ABHD8: variants seen among roughly 807,000 people sequenced by gnomAD.
The protein encoded by ABHD8 is abhydrolase domain containing 8, also known as protein ABHD8.
In ABHD8, 10 loss-of-function variants were observed where a neutral mutation model predicts 29.3. The observed-to-expected ratio is 0.34, with a 90% CI of 0.21 to 0.58. The LOEUF (loss-of-function observed/expected upper bound fraction) is 0.58. Among genes scored for constraint, ABHD8 ranks in the 20% least tolerant of loss-of-function variants. ABHD8 has a pLI of 0.85. For missense variants in ABHD8, 556 were observed against 615.3 expected (o/e 0.90, Z 1.02); for synonymous variants, 282 against 274.6 (o/e 1.03, Z -0.27).
Position 17,294,403 on chromosome 19 carries a change from T to C in ABHD8, c.1034A>G (p.Gln345Arg). ...GACCTCGTCGCCCTCGGGCCAGTAC[T>C]GGCCGCTCATCATGGCCCGGAGTAC... ...SFVLRAMMSG[Q>R]YWPEGDEVYH... is the part of the protein sequence containing the mutation. Residue 345 changes from glutamine to arginine, a missense_variant, in exon 4 of 5, where the codon CAG becomes CGG. Around this residue, in one of 2 missense-constraint regions of ABHD8, gnomAD observed 270 missense variants for 353.9 expected, o/e 0.76. Coordinates refer to ENST00000247706, the MANE Select transcript of ABHD8 (RefSeq NM_024527.5). The C allele has an allele frequency of 6.2e-7, 1 of 1,614,074 alleles. No individual in the cohort carries two copies. The highest frequency in any genetic ancestry group is 8.5e-7 in the Non-Finnish European group (1 of 1,180,006).
intron 1 of ABHD8, among the ~76,000 whole-genome samples, 170 bp from the exon 2 acceptor site, chr19:17,301,794 G>A (rs2074120956): frequency 6.6e-6 from 1 of 151,838 alleles, no homozygotes; most frequent in Non-Finnish European, 1.5e-5. Flanking sequence ...GTGTGTGTGT[G>A]TGTGTGTGTG....
rs761261189 is a variant in ABHD8 at position 17,294,842 on chromosome 19, G to C, written c.765C>G (p.Val255=). 17 of 1,613,574 alleles carry C rather than the reference G, an allele frequency of 1.1e-5. No homozygotes were observed. The South Asian group carries it at 1.9e-4, about 18-fold the overall frequency. ...CATGTGCCAGGAATGTGCAGAAAGA[G>C]ACACTGCCCGGAACGGGTGGGGTGA... ...RNVLIGHSYG[V]SFCTFLAHEY... Residue 255 remains valine, a synonymous_variant, in exon 3 of 5, where the codon GTC becomes GTG. Transcript: ENST00000247706.
At position 17,292,345 on chromosome 19, in the gene ABHD8, G is replaced by C; in HGVS notation, c.*316C>G. ...CGGCTGACACGGAAGACAGCGGGGT[G>C]GGGGGCCTGCCTTGGCCGTGGCGTT... On this transcript the variant is annotated 3_prime_UTR_variant, in exon 5 of 5. Coordinates refer to ENST00000247706, the MANE Select transcript of ABHD8 (RefSeq NM_024527.5). 2 of 421,106 alleles carry C rather than the reference G, an allele frequency of 4.7e-6. No homozygotes were observed. The highest frequency in any genetic ancestry group is 8.4e-6 in the Non-Finnish European group (2 of 238,334). 26.1% of individuals were successfully genotyped at this position (421,106 alleles called of 1,614,324 possible). A position where few individuals can be genotyped will look rare whatever the true frequency, so the allele number is the denominator to read the frequency against.
chr19:17,301,561 T>C lies in ABHD8; in HGVS notation c.56A>G (p.Asn19Ser), dbSNP rs367827324. Residue 19 changes from asparagine (N) to serine (S), a missense_variant, in exon 2 of 5, where the codon AAC (asparagine) becomes AGC (serine). This residue lies in a region of ABHD8 where 286 missense variants were observed against 261.4 expected (regional missense o/e 1.09). Coordinates refer to ENST00000247706, the MANE Select transcript of ABHD8 (RefSeq NM_024527.5). ...IFCCLLGTPP[N>S]AVGPLESVES... The stretch of plus-strand genomic sequence containing the variant: ...GACGCTCTCCAGTGGCCCCACGGCG[T>C]TGGGGGGCGTGCCCAGCAGGCAACA... 7 of 1,599,810 alleles carry C rather than the reference T, an allele frequency of 4.4e-6. No homozygotes were observed. The Admixed American group carries it at 1.0e-4, about 23-fold the overall frequency.
In ABHD8 at chr19:17,301,886, T is replaced by C. The variant is rs575370419; in HGVS notation, c.-8-262A>G. ...TCGGCTTACTGCAACCTCCCCCTCC[T>C]GGGTTCAAGCGATTCTCTTGCCTCA... On this transcript the variant is annotated intron_variant, in intron 1 of 4. Transcript: ENST00000247706. Among the ~76,000 whole-genome samples, 37 of 152,084 alleles carry C rather than the reference T, an allele frequency of 2.4e-4. 1 individual carries two copies. The South Asian group carries it at 6.8e-3, about 28-fold the overall frequency.
chr19:17,295,884 AT>A (rs528756326), intron 2 of ABHD8, among the ~76,000 whole-genome samples: 2 of 151,956 alleles, frequency 1.3e-5, no homozygotes, highest in East Asian at 1.9e-4. Flanking sequence ...ATTTTTAAAA[AT>A]TTTTTTATAA....
At chr19:17,301,660 C>T in intron 1 of ABHD8, 36 bp from the exon 2 acceptor site, 2 of 1,506,500 alleles carry the variant, frequency 1.3e-6, no homozygotes, top group Non-Finnish European at 1.8e-6. Flanking sequence ...CAGGTGCTGT[C>T]TCAATGAGAA....
Position 17,299,244 on chromosome 19 carries a change from C to CA in ABHD8, c.761+1611dup, listed in dbSNP as rs1555720809. On this transcript the variant is annotated intron_variant, in intron 2 of 4. Coordinates refer to ENST00000247706, the MANE Select transcript of ABHD8 (RefSeq NM_024527.5). ...GGGCAACATAATGAGACCCCCCCCC[C>CA]ATTCTCTATATAATTTTTTTTTGAA... Among the ~76,000 whole-genome samples, 7 of 148,166 alleles carry CA rather than the reference C, an allele frequency of 4.7e-5. 1 individual carries two copies. Among genetic ancestry groups the CA allele is most frequent in the South Asian group, 4.4e-4 (2 of 4,512 alleles).
At chr19:17,295,886 T>A (rs188123627) in intron 2 of ABHD8, among the ~76,000 whole-genome samples, 94 of 152,220 alleles carry the variant, frequency 6.2e-4, no homozygotes, top group African/African-American at 2.1e-3. Context: ...TTTTAAAAAT[T>A]TTTTTATAAA....
At chr19:17,295,763 G>A (rs1452667728) in intron 2 of ABHD8, among the ~76,000 whole-genome samples, 1 of 152,024 alleles carries the variant, frequency 6.6e-6, no homozygotes, top group Non-Finnish European at 1.5e-5. Context: ...GGAGTGGTGC[G>A]GTGGCGTAAT....
intron 1 of ABHD8, chr19:17,302,723 G>C: frequency 6.6e-6 from 1 of 152,260 alleles, no homozygotes; most frequent in East Asian, 1.9e-4. Flanking sequence ...GTGGCGAAGA[G>C]GATGGGAGAG....
intron 1 of ABHD8, 103 bp from the exon 2 acceptor site, chr19:17,301,727 G>C: frequency 7.5e-7 from 1 of 1,338,212 alleles, no homozygotes; most frequent in Non-Finnish European, 9.7e-7. Context: ...TTAGACTCCA[G>C]TTTGGGGAGC....
intron 2 of ABHD8, chr19:17,297,616 G>A (rs1452297131): frequency 1.3e-5 from 2 of 151,864 alleles, no homozygotes; most frequent in Admixed American, 1.3e-4. Flanking sequence ...TTTAATTAGA[G>A]GAATCATTTC....
intron 4 of ABHD8, 40 bp downstream of exon 4, chr19:17,294,248 G>A (rs757156572): frequency 3.2e-6 from 5 of 1,583,404 alleles, no homozygotes; most frequent in South Asian, 2.2e-5. Context: ...GCAGCACCCT[G>A]GGGATTTGTA....
intron 1 of ABHD8, chr19:17,302,100 T>A (rs1007441814): frequency 6.5e-6 from 1 of 152,904 alleles, no homozygotes. Flanking sequence ...TGACATGTTT[T>A]GTCTGAGCAG....
At chr19:17,302,351 CCATTCAGGTATACACTAACTCATT>C (rs923788932) in intron 1 of ABHD8, 3 of 146,252 alleles carry the variant, frequency 2.1e-5, no homozygotes, top group African/African-American at 7.3e-5. Context: ...ACTAACTCAT[CCATTCAGGTATACACTAACTCATT>C]CATTCAGGTA....
In ABHD8 at chr19:17,301,022, C is replaced by A; in HGVS notation, c.595G>T (p.Val199Leu). The A allele has an allele frequency of 6.2e-7, 1 of 1,613,514 alleles. No homozygotes were observed. The highest frequency in any genetic ancestry group is 1.3e-5 in the African/African-American group (1 of 75,074). Residue 199 changes from valine to leucine, a missense_variant, in exon 2 of 5, where the codon GTG becomes TTG. This residue lies in a region of ABHD8 where 270 missense variants were observed against 353.9 expected (regional missense o/e 0.76). Coordinates refer to ENST00000247706, the MANE Select transcript of ABHD8 (RefSeq NM_024527.5). ...GCCACCACCTCATAGCCTAGGCGCACAAAGAAGTCCAGCTGCTCCTTCCAG... is the reference window on the plus strand; with the variant it reads ...GCCACCACCTCATAGCCTAGGCGCAAAAAGAAGTCCAGCTGCTCCTTCCAG... Reference protein sequence around the residue: ...AIWKEQLDFFVRLGYEVVAPD... With the variant: ...AIWKEQLDFFLRLGYEVVAPD...
At position 17,294,157 on chromosome 19, in the gene ABHD8, C is replaced by T. The variant is rs2074082778; in HGVS notation, c.1149+131G>A. On this transcript the variant is annotated intron_variant, in intron 4 of 4. Coordinates refer to ENST00000247706, the MANE Select transcript of ABHD8 (RefSeq NM_024527.5). ...ATACAGCAACTAGAGGCCACGCCCA[C>T]CCGGCAGCCACGCCCCCTCGGGAAG... 20 of 1,161,736 alleles carry T rather than the reference C, an allele frequency of 1.7e-5. No individual in the cohort carries two copies. In the South Asian group the frequency reaches 2.6e-4, roughly 15 times the overall value. 72.0% of individuals were successfully genotyped at this position (1,161,736 alleles called of 1,614,324 possible). A position where few individuals can be genotyped will look rare whatever the true frequency, so the allele number is the denominator to read the frequency against.
In ABHD8 at chr19:17,301,461, G is replaced by A. The variant is rs1292742241; in HGVS notation, c.156C>T (p.Ala52=). 6.2e-7 allele frequency: 1 copy of A among 1,611,520 alleles called. No homozygotes were observed. The highest frequency in any genetic ancestry group is 1.7e-5 in the Admixed American group (1 of 59,944). Residue 52 remains alanine, a synonymous_variant, in exon 2 of 5, where the codon GCC becomes GCT. Coordinates refer to ENST00000247706, the MANE Select transcript of ABHD8 (RefSeq NM_024527.5). Reference sequence around the variant, plus strand: ...ATGGTGGAGGTGGGGCAGCGGCTGGGGCGGGTCCTGCATGCTTCACCCGCA... The same window carrying A: ...ATGGTGGAGGTGGGGCAGCGGCTGGAGCGGGTCCTGCATGCTTCACCCGCA... The part of the protein sequence containing the change: ...RVLRVKHAGP[A]PAAAPPPPSS...
Sources: gnomAD v4.1 joint callset for allele counts (sites outside exome capture counted in the v4.1 genomes callset) on GRCh38, gnomAD v4.1.1 for gene constraint, gnomAD v4.1.1 regional missense constraint, MANE v1.5 for transcripts, NCBI Gene and HGNC (gene_info 2026-07-23, HGNC 2026-07-21) for gene names.